Variants in HCN1 observed in about 807,000 individuals in gnomAD.
HCN1 encodes the protein hyperpolarization activated cyclic nucleotide gated potassium channel 1.
A neutral mutation model predicts 78.9 loss-of-function variants in HCN1; 13 were observed. The ratio of observed to expected loss-of-function variants is 0.16; its 90% CI spans 0.11 to 0.26. HCN1 has a LOEUF of 0.26. HCN1 is among the 10% of genes least tolerant of loss of function. HCN1 has a pLI of 1.00. For missense variants in HCN1, 810 were observed against 1,154.3 expected (o/e 0.70, Z 4.32); for synonymous variants, 552 against 455.5 (o/e 1.21, Z -2.70).
Position 45,262,740 on chromosome 5 carries a change from C to G in HCN1, c.1854G>C (p.Glu618Asp), listed in dbSNP as rs1221163641. Residue 618 changes from glutamate (E) to aspartate (D), a missense_variant, in exon 8 of 8, where the codon GAG becomes GAC. By Grantham distance (45) the Glu-to-Asp change is conservative. Around this residue, in one of 6 missense-constraint regions of HCN1, gnomAD observed 398 missense variants for 381.3 expected, o/e 1.04. Coordinates refer to ENST00000303230, the MANE Select transcript of HCN1 (RefSeq NM_021072.4). ...DLNTGVFNNQ[E>D]NEILKQIVKH... Reference sequence around the variant, plus strand: ...TCACAATCTGCTTGAGGATTTCGTTCTCCTGATTGTTGAAAACACCAGTGT... The same window carrying G: ...TCACAATCTGCTTGAGGATTTCGTTGTCCTGATTGTTGAAAACACCAGTGT... 1 of 1,614,158 alleles carries G rather than the reference C, an allele frequency of 6.2e-7. No individual in the cohort carries two copies. Among genetic ancestry groups the G allele is most frequent in the African/African-American group, 1.3e-5 (1 of 75,034 alleles).
intron 1 of HCN1, among the ~76,000 whole-genome samples, chr5:45,693,255 C>T (rs1279560911): frequency 6.6e-6 from 1 of 151,800 alleles, no homozygotes; most frequent in African/African-American, 2.4e-5. Context: ...TGAGATCATA[C>T]AAAAAAATGA....
intron 2 of HCN1, among the ~76,000 whole-genome samples, chr5:45,613,619 T>C (rs1255207142): frequency 6.6e-6 from 1 of 151,934 alleles, no homozygotes; most frequent in East Asian, 1.9e-4. Flanking sequence ...ACTGGGTATA[T>C]ACCCAAAGGA....
intron 6 of HCN1, among the ~76,000 whole-genome samples, chr5:45,268,345 C>A (rs1337109704): frequency 1.3e-5 from 2 of 152,042 alleles, no homozygotes; most frequent in Non-Finnish European, 1.5e-5. Flanking sequence ...CTACTGTAGG[C>A]TTTGATTATT....
chr5:45,338,025 G>A (rs955779129), intron 5 of HCN1, among the ~76,000 whole-genome samples: 3 of 152,078 alleles, frequency 2.0e-5, no homozygotes, highest in Non-Finnish European at 4.4e-5. Flanking sequence ...TTTGTAAGAG[G>A]TTTCAAAGTT....
At chr5:45,376,257 TAGA>T (rs1747666457) in intron 4 of HCN1, among the ~76,000 whole-genome samples, 1 of 137,650 alleles carries the variant, frequency 7.3e-6, no homozygotes, top group Non-Finnish European at 1.5e-5. Flanking sequence ...ATATAGAATA[TAGA>T]ATATATATTC....
chr5:45,313,103 G>A (rs1579801579), intron 5 of HCN1, among the ~76,000 whole-genome samples: 1 of 152,166 alleles, frequency 6.6e-6, no homozygotes, highest in Non-Finnish European at 1.5e-5. Context: ...TAGCCCAATT[G>A]GGAGGCACCC....
chr5:45,467,993 C>A (rs1410737540), intron 2 of HCN1, among the ~76,000 whole-genome samples: 1 of 152,030 alleles, frequency 6.6e-6, no homozygotes, highest in Non-Finnish European at 1.5e-5. Flanking sequence ...AAACAAATTT[C>A]TTCTCATGGC....
chr5:45,271,570 G>A (rs1744962045), intron 6 of HCN1, among the ~76,000 whole-genome samples: 2 of 152,036 alleles, frequency 1.3e-5, no homozygotes, highest in Admixed American at 6.6e-5. Context: ...ACTCAATTAT[G>A]TCTCTAGAGT....
chr5:45,626,323 T>C (rs1420029206), intron 2 of HCN1, among the ~76,000 whole-genome samples: 1 of 152,192 alleles, frequency 6.6e-6, no homozygotes, highest in Non-Finnish European at 1.5e-5. Flanking sequence ...TGGAAATCAC[T>C]GAAATACTAC....
chr5:45,430,013 T>C (rs988284581), intron 3 of HCN1, among the ~76,000 whole-genome samples: 1 of 151,814 alleles, frequency 6.6e-6, no homozygotes, highest in African/African-American at 2.4e-5. Flanking sequence ...TAAATAAGAA[T>C]TGAGCTATTA....
At chr5:45,660,061 G>C (rs1040337401) in intron 1 of HCN1, among the ~76,000 whole-genome samples, 1 of 119,504 alleles carries the variant, frequency 8.4e-6, no homozygotes, top group Non-Finnish European at 1.7e-5. Flanking sequence ...GAGAAAGGTC[G>C]GGTTACCCTC....
chr5:45,292,851 C>CTGAG (rs1745408243), intron 6 of HCN1, among the ~76,000 whole-genome samples: 1 of 151,950 alleles, frequency 6.6e-6, no homozygotes, highest in African/African-American at 2.4e-5. Flanking sequence ...AATGTTCTTA[C>CTGAG]TGAGTGTTGT....
At chr5:45,547,867 C>T (rs529360595) in intron 2 of HCN1, among the ~76,000 whole-genome samples, 252 of 151,916 alleles carry the variant, frequency 1.7e-3, no homozygotes, top group Non-Finnish European at 2.6e-3. Context: ...AATCCTTTTA[C>T]GCAGAGATTA....
intron 2 of HCN1, among the ~76,000 whole-genome samples, chr5:45,496,161 G>A (rs969514662): frequency 2.8e-4 from 43 of 152,114 alleles, no homozygotes; most frequent in Admixed American, 2.6e-4. Context: ...GATTGGAATA[G>A]TTTCAGAAGG....
At chr5:45,687,587 A>G (rs1311995334) in intron 1 of HCN1, among the ~76,000 whole-genome samples, 4 of 151,970 alleles carry the variant, frequency 2.6e-5, no homozygotes, top group Non-Finnish European at 1.5e-5. Flanking sequence ...ATTTATGAAG[A>G]TATCATTTGT....
intron 3 of HCN1, among the ~76,000 whole-genome samples, chr5:45,445,153 G>A (rs1446361581): frequency 1.3e-5 from 2 of 152,188 alleles, no homozygotes; most frequent in East Asian, 3.9e-4. Context: ...GTGACAGATG[G>A]CACCTGGAAA....
intron 4 of HCN1, among the ~76,000 whole-genome samples, chr5:45,368,242 ATCTTT>A (rs1747274639): frequency 6.6e-6 from 1 of 152,024 alleles, no homozygotes; most frequent in South Asian, 2.1e-4. Flanking sequence ...CACTAATTTG[ATCTTT>A]TCTTCTATTT....
chr5:45,574,133 G>C (rs148788414), intron 2 of HCN1, among the ~76,000 whole-genome samples: 1 of 151,928 alleles, frequency 6.6e-6, no homozygotes, highest in African/African-American at 2.4e-5. Flanking sequence ...ATTAAATTTG[G>C]AACAGTTTTC....
intron 4 of HCN1, among the ~76,000 whole-genome samples, chr5:45,357,372 C>T (rs1227868011): frequency 6.6e-6 from 1 of 151,988 alleles, no homozygotes; most frequent in African/African-American, 2.4e-5. Context: ...TGTTTCTTAT[C>T]TTTATTTAAT....
Sources: gnomAD v4.1 joint callset for allele counts (sites outside exome capture counted in the v4.1 genomes callset) on GRCh38, gnomAD v4.1.1 for gene constraint, gnomAD v4.1.1 regional missense constraint, MANE v1.5 for transcripts, NCBI Gene and HGNC (gene_info 2026-07-23, HGNC 2026-07-21) for gene names.